BRME1: variants seen among roughly 807,000 people sequenced by gnomAD.
BRME1 encodes the protein BRCA2 and MEILB2-associating protein 1.
A neutral mutation model predicts 52.6 loss-of-function variants in BRME1; 31 were observed. The observed-to-expected ratio is 0.59, with a 90% CI of 0.44 to 0.80. The LOEUF is 0.80. Ranked by LOEUF, BRME1 falls within the 30% of genes least tolerant of loss-of-function variation. BRME1 has a pLI of 0.00. For missense variants in BRME1, 804 were observed against 860.3 expected (o/e 0.93, Z 0.82); for synonymous variants, 359 against 353.6 (o/e 1.02, Z -0.17).
Position 13,883,083 on chromosome 19 carries a change from A to C in BRME1, c.1857-131T>G. On this transcript the variant is annotated intron_variant, in intron 8 of 8. Coordinates refer to ENST00000586783, the MANE Select transcript of BRME1 (RefSeq NM_001345843.2). The surrounding 1 kb of genome is among the most constrained non-coding windows in gnomAD (Gnocchi z 4.2). Reference sequence around the variant, plus strand: ...ACGGCTCACACACGTGCACATAACCAGAAAGGGCCTGTTGTAGCACAGGCT... The same window carrying C: ...ACGGCTCACACACGTGCACATAACCCGAAAGGGCCTGTTGTAGCACAGGCT... The C allele has an allele frequency of 8.4e-7, 1 of 1,197,122 alleles. No homozygotes were observed. The highest frequency in any genetic ancestry group is 1.2e-6 in the Non-Finnish European group (1 of 860,408). 74.2% of individuals were successfully genotyped at this position (1,197,122 alleles called of 1,614,324 possible).
At position 13,888,498 on chromosome 19, in the gene BRME1, C is replaced by T. The variant is rs1599323267; in HGVS notation, c.1668+690G>A. On this transcript the variant is annotated intron_variant, in intron 6 of 8. Coordinates refer to ENST00000586783, the MANE Select transcript of BRME1 (RefSeq NM_001345843.2). This position sits in a 1 kb window ranked among gnomAD's most constrained non-coding sequence, Gnocchi z 4.1. ...GGTGTGCCAACGGCTAGGGAGGTCG[C>T]TCTTTCCCTGGGGGGCAGGGCTGAA... 6.6e-6 allele frequency: 1 copy of T among 152,376 alleles called. No individual in the cohort carries two copies. Among genetic ancestry groups the T allele is most frequent in the East Asian group, 1.9e-4 (1 of 5,178 alleles). The allele number at this position is 152,376 out of a possible 1,614,324, so 9.4% of individuals were successfully genotyped here.
chr19:13,887,633 C>A (rs1488988642), intron 6 of BRME1, among the ~76,000 whole-genome samples: 2 of 152,236 alleles, frequency 1.3e-5, no homozygotes, highest in Non-Finnish European at 2.9e-5. Flanking sequence ...ATGGAGGCGG[C>A]TCTTCTCTCA....
chr19:13,887,410 G>A (rs993312400), intron 6 of BRME1, among the ~76,000 whole-genome samples: 18 of 152,216 alleles, frequency 1.2e-4, no homozygotes, highest in African/African-American at 4.1e-4. Context: ...GGCTGCTAAT[G>A]CTGGTCGGGT....
chr19:13,893,183 G>T lies in BRME1; in HGVS notation c.247C>A (p.Arg83Ser), dbSNP rs1005940607. Residue 83 changes from arginine to serine, a missense_variant, in exon 4 of 9, where the codon CGT becomes AGT. Physicochemically the swap from Arg to Ser is moderately radical, Grantham distance 110. Transcript: ENST00000586783. ...EETGSPCRLL[R>S]QPEKEPAPLP... ...GGAGCTGGCTCCTTTTCTGGTTGAC[G>T]GAGGAGCCGGCAGGGAGATCCTGTT... is the stretch of plus-strand genomic sequence containing the variant. 9 of 1,591,696 alleles carry T rather than the reference G, an allele frequency of 5.7e-6. No individual in the cohort carries two copies. The highest frequency in any genetic ancestry group is 2.7e-5 in the African/African-American group (2 of 74,290).
chr19:13,887,944 TGA>T (rs1446659497), intron 6 of BRME1, among the ~76,000 whole-genome samples: 1 of 152,190 alleles, frequency 6.6e-6, no homozygotes, highest in Non-Finnish European at 1.5e-5. Context: ...TTTCTTTTCT[TGA>T]GAGAGTCTTG....
intron 7 of BRME1, among the ~76,000 whole-genome samples, chr19:13,884,753 G>A (rs759804080): frequency 6.4e-5 from 9 of 140,490 alleles, no homozygotes; most frequent in African/African-American, 1.3e-4. Flanking sequence ...GGGGCCACCC[G>A]CCCTAAACCC....
Position 13,889,870 on chromosome 19 carries a change from A to G in BRME1, c.986T>C (p.Leu329Pro), listed in dbSNP as rs751787249. The change falls in exon 6 of 9, where the codon CTG (leucine) becomes CCG (proline). Residue 329 changes from leucine (L) to proline (P), a missense_variant. Around this residue, in one of 3 missense-constraint regions of BRME1, gnomAD observed 552 missense variants for 561.1 expected, o/e 0.98. Transcript: ENST00000586783. ...GREGEGTHSSLGCSSLGMVVI... is the reference protein window; with the variant it reads ...GREGEGTHSSPGCSSLGMVVI... The stretch of plus-strand genomic sequence containing the variant: ...AACCATCCCGAGGGAGGAGCATCCC[A>G]GGCTGCTATGAGTCCCTTCCCCTTC... 1 of 1,613,262 alleles carries G rather than the reference A, an allele frequency of 6.2e-7. No homozygotes were observed. The highest frequency in any genetic ancestry group is 1.1e-5 in the South Asian group (1 of 91,090).
chr19:13,894,404 C>T (rs1599341076), intron 3 of BRME1, among the ~76,000 whole-genome samples: 1 of 152,006 alleles, frequency 6.6e-6, no homozygotes, highest in East Asian at 1.9e-4. Context: ...GGGCGCCTTT[C>T]ATCCCAGCTA....
At chr19:13,896,423 A>T (rs1286135882) in intron 2 of BRME1, among the ~76,000 whole-genome samples, 1 of 146,768 alleles carries the variant, frequency 6.8e-6, no homozygotes, top group Non-Finnish European at 1.5e-5. Flanking sequence ...TATTTATGAT[A>T]TATTAATATA....
rs145301854 is a variant in BRME1 at position 13,889,469 on chromosome 19, C to A, written c.1387G>T (p.Gly463Cys). The change falls in exon 6 of 9, where the codon GGC becomes TGC. Residue 463 changes from glycine (G) to cysteine (C), a missense_variant. By Grantham distance (159) the Gly-to-Cys change is radical. Transcript: ENST00000586783. ...TCGAGGTCTCGTTCGAGGTTCTGGC[C>A]ACCTAACTCGGCTTCCTCTTGAGCA... ...GPAQEEAELG[G>C]QNLERDLEGF... The A allele has an allele frequency of 3.4e-4, 547 of 1,613,872 alleles. No individual in the cohort carries two copies. Among genetic ancestry groups the A allele is most frequent in the Non-Finnish European group, 4.5e-4 (529 of 1,180,048 alleles).
intron 2 of BRME1, among the ~76,000 whole-genome samples, chr19:13,896,306 AATAC>A (rs1167128455): frequency 6.7e-6 from 1 of 148,266 alleles, no homozygotes; most frequent in African/African-American, 2.4e-5. Context: ...TCATATATAA[AATAC>A]ATACATATTC....
At chr19:13,896,517 C>A (rs2145197272) in intron 2 of BRME1, among the ~76,000 whole-genome samples, 1 of 144,258 alleles carries the variant, frequency 6.9e-6, no homozygotes, top group South Asian at 2.1e-4. Context: ...TATTATATAT[C>A]CCATTATATT....
intron 2 of BRME1, 105 bp from the exon 3 acceptor site, chr19:13,895,651 G>A (rs1263587142): frequency 4.0e-6 from 4 of 993,210 alleles, no homozygotes; most frequent in Admixed American, 2.2e-5. Context: ...GCGAGAAGGG[G>A]CCGAATCCAT....
chr19:13,905,597 A>C (rs1266740463), intron 1 of BRME1, 118 bp downstream of exon 1: 2 of 152,062 alleles, frequency 1.3e-5, no homozygotes, highest in East Asian at 3.9e-4. Context: ...CAGGAGGCAG[A>C]GGTTGCAATG....
At chr19:13,892,295 T>C (rs1441033485) in intron 5 of BRME1, among the ~76,000 whole-genome samples, 1 of 151,666 alleles carries the variant, frequency 6.6e-6, no homozygotes, top group African/African-American at 2.4e-5. Flanking sequence ...TTTTTAAAAA[T>C]TGTGCTAAGG....
chr19:13,901,524 C>T (rs1450791590), intron 2 of BRME1, among the ~76,000 whole-genome samples: 1 of 151,484 alleles, frequency 6.6e-6, no homozygotes, highest in African/African-American at 2.4e-5. Context: ...CATGGTGAAA[C>T]CCCGTCTCTA....
Position 13,889,819 on chromosome 19 carries a change from G to A in BRME1, c.1037C>T (p.Pro346Leu), listed in dbSNP as rs1382656506. The A allele has an allele frequency of 6.2e-6, 10 of 1,613,136 alleles. No homozygotes were observed. Among genetic ancestry groups the A allele is most frequent in the Non-Finnish European group, 8.5e-6 (10 of 1,179,954 alleles). ...CAGAGCCCTCTCTTCCAGCTCAGTG[G>A]GGTCTGTGCTCAGGTCTGCGATGAC... Reference protein sequence around the residue: ...MVVIADLSTDPTELEERALEV... With the variant: ...MVVIADLSTDLTELEERALEV... Residue 346 changes from proline to leucine, a missense_variant, in exon 6 of 9, where the codon CCC becomes CTC. Transcript: ENST00000586783.
chr19:13,883,144 T>C lies in BRME1; in HGVS notation c.1856+164A>G, dbSNP rs564562038. On this transcript the variant is annotated intron_variant, in intron 8 of 8. Transcript: ENST00000586783. This position sits in a 1 kb window ranked among gnomAD's most constrained non-coding sequence, Gnocchi z 4.2. ...CAGCCTTTCTTCAGAGCCTGTGTTC[T>C]GCAAAGGACGGGGGAGGGGGGCCAC... is the stretch of plus-strand genomic sequence containing the variant. Among the ~76,000 whole-genome samples, 12 of 152,050 alleles carry C rather than the reference T, an allele frequency of 7.9e-5. No individual in the cohort carries two copies. In the East Asian group the frequency reaches 2.1e-3, roughly 27 times the overall value.
In BRME1 at chr19:13,893,201, A is replaced by G. The variant is rs2145175510; in HGVS notation, c.229T>C (p.Ser77Pro). The G allele has an allele frequency of 1.3e-6, 2 of 1,586,918 alleles. No individual in the cohort carries two copies. Among genetic ancestry groups the G allele is most frequent in the Non-Finnish European group, 1.7e-6 (2 of 1,168,274 alleles). The change falls in exon 4 of 9, where the codon TCT (serine) becomes CCT (proline). Residue 77 changes from serine (S) to proline (P), a missense_variant. Coordinates refer to ENST00000586783, the MANE Select transcript of BRME1 (RefSeq NM_001345843.2). ...GGTTGACGGAGGAGCCGGCAGGGAG[A>G]TCCTGTTTCCTCATCAGGGGAGCTA... ...VSSSPDEETG[S>P]PCRLLRQPEK...
Sources: gnomAD v4.1 joint callset for allele counts (sites outside exome capture counted in the v4.1 genomes callset) on GRCh38, gnomAD v4.1.1 for gene constraint, gnomAD v4.1.1 regional missense constraint, Gnocchi (gnomAD v3.1) non-coding constraint, MANE v1.5 for transcripts, NCBI Gene and HGNC (gene_info 2026-07-23, HGNC 2026-07-21) for gene names.